Variants in MAPK8IP2 observed in about 807,000 individuals in gnomAD.
MAPK8IP2 encodes C-Jun-amino-terminal kinase-interacting protein 2.
MAPK8IP2 carries 15 observed loss-of-function variants against 75.6 expected under a neutral mutation model. The observed-to-expected ratio is 0.20, with a 90% CI of 0.13 to 0.31. The LOEUF is 0.31. MAPK8IP2 is among the 10% of genes least tolerant of loss of function. The pLI is 1.00. For missense variants in MAPK8IP2, 1,089 were observed against 1,211.2 expected (o/e 0.90, Z 1.50); for synonymous variants, 632 against 554.5 (o/e 1.14, Z -1.96).
Position 50,603,418 on chromosome 22 carries a change from C to A in MAPK8IP2, c.367C>A (p.Pro123Thr). The A allele has an allele frequency of 6.4e-7, 1 of 1,562,916 alleles. No individual in the cohort carries two copies. Among genetic ancestry groups the A allele is most frequent in the South Asian group, 1.2e-5 (1 of 84,394 alleles). The change falls in exon 3 of 12, where the codon CCC becomes ACC. Residue 123 changes from proline to threonine, a missense_variant. Around this residue, in one of 2 missense-constraint regions of MAPK8IP2, gnomAD observed 960 missense variants for 1,009.6 expected, o/e 0.95. Transcript: ENST00000329492. Reference sequence around the variant, plus strand: ...TGGCTCAGAGGCACCTGCCCCCGGGCCCCTTATCCCCTCCCCTTCCGTGGA... The same window carrying A: ...TGGCTCAGAGGCACCTGCCCCCGGGACCCTTATCCCCTCCCCTTCCGTGGA... ...DPGSEAPAPG[P>T]LIPSPSVEEP...
rs997556604 is a variant in MAPK8IP2, at chr22:50,608,831, G to A, written c.2304-1381G>A. ...GGGTCACTGGGACAGCGGACGGGGCGCAGACCAGACAGTGGGGACAGCTCT... is the reference window on the plus strand; with the variant it reads ...GGGTCACTGGGACAGCGGACGGGGCACAGACCAGACAGTGGGGACAGCTCT... On this transcript the variant is annotated intron_variant, in intron 10 of 11. Transcript: ENST00000329492. 1.2e-4 allele frequency among the ~76,000 whole-genome samples: 18 copies of A among 150,050 alleles called. No homozygotes were observed. The South Asian group carries it at 3.2e-3, about 26-fold the overall frequency.
At position 50,605,368 on chromosome 22, in the gene MAPK8IP2, G is replaced by T. The variant is rs1260305887; in HGVS notation, c.1766G>T (p.Ser589Ile). The T allele has an allele frequency of 6.2e-7, 1 of 1,613,262 alleles. No individual in the cohort carries two copies. The highest frequency in any genetic ancestry group is 8.5e-7 in the Non-Finnish European group (1 of 1,179,800). The change falls in exon 6 of 12, where the codon AGC becomes ATC. Residue 589 changes from serine to isoleucine, a missense_variant and splice_region_variant. Physicochemically the swap from Ser to Ile is moderately radical, Grantham distance 142. Coordinates refer to ENST00000329492, the MANE Select transcript of MAPK8IP2 (RefSeq NM_012324.6). The part of the protein sequence containing the change: ...VFVNSTSRSS[S>I]TESFGLFSCL... ...GCCTCTGTCCTGCCGGGTCTCCCAG[G>T]CACCGAGTCCTTTGGCCTTTTCTCC...
chr22:50,610,933 G>C lies in MAPK8IP2; in HGVS notation c.*154G>C, dbSNP rs895203550. ...CTGCGGGCTGGGAACTCTCGTCCTC[G>C]GTCCCCAGGGCGCAGCTGTTGGGGC... On this transcript the variant is annotated 3_prime_UTR_variant, in exon 12 of 12. Coordinates refer to ENST00000329492, the MANE Select transcript of MAPK8IP2 (RefSeq NM_012324.6). This position sits in a 1 kb window ranked among gnomAD's most constrained non-coding sequence, Gnocchi z 4.3. 3 of 628,988 alleles carry C rather than the reference G, an allele frequency of 4.8e-6. No homozygotes were observed. The highest frequency in any genetic ancestry group is 8.1e-6 in the Non-Finnish European group (3 of 368,326). The allele number at this position is 628,988 out of a possible 1,614,324, so 39.0% of individuals were successfully genotyped here. A position where few individuals can be genotyped will look rare whatever the true frequency, so the allele number is the denominator to read the frequency against.
chr22:50,601,598 C>T, intron 1 of MAPK8IP2, 191 bp from the exon 2 acceptor site: 1 of 570,176 alleles, frequency 1.8e-6, no homozygotes, highest in Middle Eastern at 4.8e-4. Flanking sequence ...AGGCCTGGCT[C>T]AGATGGGGGA....
rs1555898574 is a variant in MAPK8IP2 at position 50,612,863 on chromosome 22, T to TGGCCCCGCCCCTGCCCGGCCTGGC, written c.*2084_*2085insGGCCCCGCCCCTGCCCGGCCTGGC. On this transcript the variant is annotated 3_prime_UTR_variant, in exon 12 of 12. Transcript: ENST00000329492. ...CAAGCCCTGCCCTCCGGCGCCCCCG[T>TGGCCCCGCCCCTGCCCGGCCTGGC]CCCGCCCCTGCCCGGCCTGGCCCCG... The TGGCCCCGCCCCTGCCCGGCCTGGC allele has an allele frequency of 1.4e-5, 1 of 72,446 alleles. No homozygotes were observed. Among genetic ancestry groups the TGGCCCCGCCCCTGCCCGGCCTGGC allele is most frequent in the East Asian group, 3.9e-4 (1 of 2,540 alleles). 4.5% of individuals were successfully genotyped at this position (72,446 alleles called of 1,614,324 possible).
chr22:50,610,048 C>CA lies in MAPK8IP2; in HGVS notation c.2304-157dup, dbSNP rs1399788576. ...CCCAGCCCTGTGCTTGGGCTGAAACCAAAAAAAGACAACTTCAGATCTTGA... is the reference window on the plus strand; with the variant it reads ...CCCAGCCCTGTGCTTGGGCTGAAACCAAAAAAAAGACAACTTCAGATCTTGA... On this transcript the variant is annotated intron_variant, in intron 10 of 11. Coordinates refer to ENST00000329492, the MANE Select transcript of MAPK8IP2 (RefSeq NM_012324.6). The surrounding 1 kb of genome is among the most constrained non-coding windows in gnomAD (Gnocchi z 4.3). 8.3e-6 allele frequency: 6 copies of CA among 722,042 alleles called. No homozygotes were observed. The African/African-American group carries it at 1.0e-4, about 13-fold the overall frequency. 44.7% of individuals were successfully genotyped at this position (722,042 alleles called of 1,614,324 possible).
Position 50,602,462 on chromosome 22 carries a change from G to A in MAPK8IP2, c.171+568G>A, listed in dbSNP as rs909120150. On this transcript the variant is annotated intron_variant, in intron 2 of 11. Coordinates refer to ENST00000329492, the MANE Select transcript of MAPK8IP2 (RefSeq NM_012324.6). Reference sequence around the variant, plus strand: ...AGCTGCTCTCTGGAGCTGCAACTTAGTAGGGGAGAAAGACTTGTAAGGGAC... The same window carrying A: ...AGCTGCTCTCTGGAGCTGCAACTTAATAGGGGAGAAAGACTTGTAAGGGAC... Among the ~76,000 whole-genome samples, 3 of 152,364 alleles carry A rather than the reference G, an allele frequency of 2.0e-5. No individual in the cohort carries two copies. In the South Asian group the frequency reaches 6.2e-4, roughly 32 times the overall value.
intron 2 of MAPK8IP2, 47 bp downstream of exon 2, chr22:50,601,941 A>C: frequency 2.5e-5 from 37 of 1,491,748 alleles, no homozygotes; most frequent in Non-Finnish European, 3.1e-5. Context: ...GGAGGGCCTC[A>C]TTAGGTTCTT....
rs756601992 is a variant in MAPK8IP2, at chr22:50,604,945, C to T, written c.1646C>T (p.Ala549Val). The change falls in exon 5 of 12, where the codon GCG becomes GTG. Residue 549 changes from alanine to valine, a missense_variant. This residue lies in a region of MAPK8IP2 where 960 missense variants were observed against 1,009.6 expected (regional missense o/e 0.95). Transcript: ENST00000329492. ...DSGGEASEEE[A>V]GAALLGGGQV... ...GGCGGGGAGGCCAGCGAGGAGGAGG[C>T]GGGCGCGGCGCTGCTAGGCGGCGGT... The T allele has an allele frequency of 1.2e-6, 2 of 1,610,578 alleles. No individual in the cohort carries two copies. The highest frequency in any genetic ancestry group is 1.3e-5 in the African/African-American group (1 of 74,888).
At chr22:50,600,931 A>AC (rs1196549591) in intron 1 of MAPK8IP2, 48 bp downstream of exon 1, 30 of 715,732 alleles carry the variant, frequency 4.2e-5, no homozygotes, top group Admixed American at 2.3e-4. Flanking sequence ...CTCCCTGCGC[A>AC]CCCCCCCGAC....
Position 50,610,355 on chromosome 22 carries a change from A to G in MAPK8IP2, c.2402+45A>G. ...GTGGGTGCAGAATGGGTGCAGGGTT[A>G]CGGAGGTGGGGAGCGGAGGTGAGCA... On this transcript the variant is annotated intron_variant, in intron 11 of 11. Coordinates refer to ENST00000329492, the MANE Select transcript of MAPK8IP2 (RefSeq NM_012324.6). This position sits in a 1 kb window ranked among gnomAD's most constrained non-coding sequence, Gnocchi z 4.3. 3.3e-6 allele frequency: 5 copies of G among 1,495,160 alleles called. No individual in the cohort carries two copies. Among genetic ancestry groups the G allele is most frequent in the South Asian group, 1.2e-5 (1 of 83,884 alleles). 92.6% of individuals were successfully genotyped at this position (1,495,160 alleles called of 1,614,324 possible). A position where few individuals can be genotyped will look rare whatever the true frequency, so the allele number is the denominator to read the frequency against.
In MAPK8IP2 at chr22:50,605,414, G is replaced by C; in HGVS notation, c.1812G>C (p.Glu604Asp). 1.2e-6 allele frequency: 2 copies of C among 1,613,704 alleles called. No homozygotes were observed. Among genetic ancestry groups the C allele is most frequent in the Non-Finnish European group, 1.7e-6 (2 of 1,179,854 alleles). The change falls in exon 6 of 12, where the codon GAG becomes GAC. Residue 604 changes from glutamate (E) to aspartate (D), a missense_variant. Glu to Asp is a conservative substitution (Grantham distance 45). This residue lies in a region of MAPK8IP2 where 960 missense variants were observed against 1,009.6 expected (regional missense o/e 0.95). Transcript: ENST00000329492. ...GLFSCLVNGEEREQTHRAVFR... is the reference protein window; with the variant it reads ...GLFSCLVNGEDREQTHRAVFR... ...TCTCCTGTCTGGTCAACGGCGAGGAGCGAGAGCAGACTCACCGGGCTGTGT... is the reference window on the plus strand; with the variant it reads ...TCTCCTGTCTGGTCAACGGCGAGGACCGAGAGCAGACTCACCGGGCTGTGT...
Position 50,603,848 on chromosome 22 carries a change from G to C in MAPK8IP2, c.549G>C (p.Pro183=). ...SPAPEALREL[P]GPLPATDTGP... ...CACCTCCCTGCCCAGCAGAGCTCCC[G>C]GGCCCCCTCCCTGCCACGGACACCG... The change falls in exon 5 of 12, where the codon CCG becomes CCC. Residue 183 remains proline (P), a synonymous_variant. Transcript: ENST00000329492. 1.3e-6 allele frequency: 2 copies of C among 1,528,528 alleles called. No homozygotes were observed. Among genetic ancestry groups the C allele is most frequent in the Non-Finnish European group, 8.8e-7 (1 of 1,138,832 alleles). The allele number at this position is 1,528,528 out of a possible 1,614,324, so 94.7% of individuals were successfully genotyped here.
intron 1 of MAPK8IP2, 121 bp from the exon 2 acceptor site, chr22:50,601,668 G>GC: frequency 1.5e-6 from 1 of 683,196 alleles, no homozygotes; most frequent in South Asian, 1.7e-5. Context: ...TGTTCCGAGA[G>GC]CTGGGGGCTG....
chr22:50,609,752 G>A, intron 10 of MAPK8IP2: 1 of 516,338 alleles, frequency 1.9e-6, no homozygotes, highest in South Asian at 1.4e-5. Flanking sequence ...TGGGAGCGAG[G>A]GGTAGACCGG....
In MAPK8IP2 at chr22:50,607,016, C is replaced by T. The variant is rs1173602540; in HGVS notation, c.2303+25C>T. The T allele has an allele frequency of 1.9e-6, 3 of 1,585,554 alleles. No individual in the cohort carries two copies. Among genetic ancestry groups the T allele is most frequent in the African/African-American group, 1.3e-5 (1 of 74,444 alleles). ...GGTGAGAGTCTGACCGTCCCCGAGTCCCCCAACCGCCCCCACAAACCCTGA... is the reference window on the plus strand; with the variant it reads ...GGTGAGAGTCTGACCGTCCCCGAGTTCCCCAACCGCCCCCACAAACCCTGA... On this transcript the variant is annotated intron_variant, in intron 10 of 11. Coordinates refer to ENST00000329492, the MANE Select transcript of MAPK8IP2 (RefSeq NM_012324.6). The surrounding 1 kb of genome is among the most constrained non-coding windows in gnomAD (Gnocchi z 5.6).
rs375405472 is a variant in MAPK8IP2, at chr22:50,610,738, C to G, written c.2434C>G (p.Leu812Val). The change falls in exon 12 of 12, where the codon CTG (leucine) becomes GTG (valine). Residue 812 changes from leucine (L) to valine (V), a missense_variant. This residue lies in a region of MAPK8IP2 where 129 missense variants were observed against 201.7 expected (regional missense o/e 0.64). Coordinates refer to ENST00000329492, the MANE Select transcript of MAPK8IP2 (RefSeq NM_012324.6). The surrounding 1 kb of genome is among the most constrained non-coding windows in gnomAD (Gnocchi z 4.3). ...CTTCCTGGAGTACTACCAAGAGCAC[C>G]TGGCGTACGCCTGCCCCACGGAGGA... ...RAFLEYYQEH[L>V]AYACPTEDIY... The G allele has an allele frequency of 2.7e-5, 44 of 1,610,962 alleles. No individual in the cohort carries two copies. The highest frequency in any genetic ancestry group is 6.7e-5 in the East Asian group (3 of 44,770).
rs533807658 is a variant in MAPK8IP2, at chr22:50,610,320, G to A, written c.2402+10G>A. 2.9e-5 allele frequency: 46 copies of A among 1,591,882 alleles called. No homozygotes were observed. In the African/African-American group the frequency reaches 5.0e-4, roughly 17 times the overall value. On this transcript the variant is annotated intron_variant, in intron 11 of 11. Coordinates refer to ENST00000329492, the MANE Select transcript of MAPK8IP2 (RefSeq NM_012324.6). This position sits in a 1 kb window ranked among gnomAD's most constrained non-coding sequence, Gnocchi z 4.3. Reference sequence around the variant, plus strand: ...TGGCGCAGAGTGTGGGGTGAGTGGGGCCCCAGGGTGTGGGTGCAGAATGGG... The same window carrying A: ...TGGCGCAGAGTGTGGGGTGAGTGGGACCCCAGGGTGTGGGTGCAGAATGGG...
At position 50,610,404 on chromosome 22, in the gene MAPK8IP2, G is replaced by A. The variant is rs1000527682; in HGVS notation, c.2402+94G>A. The A allele has an allele frequency of 3.5e-5, 38 of 1,073,386 alleles. No homozygotes were observed. Among genetic ancestry groups the A allele is most frequent in the Non-Finnish European group, 4.6e-5 (33 of 722,978 alleles). The allele number at this position is 1,073,386 out of a possible 1,614,324, so 66.5% of individuals were successfully genotyped here. ...CAGGTGGGGGCAGGAGCCTGGCAGG[G>A]GAGGTCTGGGGAAGGAGAACCAGAT... On this transcript the variant is annotated intron_variant, in intron 11 of 11. Coordinates refer to ENST00000329492, the MANE Select transcript of MAPK8IP2 (RefSeq NM_012324.6). This position sits in a 1 kb window ranked among gnomAD's most constrained non-coding sequence, Gnocchi z 4.3.
Sources: gnomAD v4.1 joint callset for allele counts (sites outside exome capture counted in the v4.1 genomes callset) on GRCh38, gnomAD v4.1.1 for gene constraint, gnomAD v4.1.1 regional missense constraint, Gnocchi (gnomAD v3.1) non-coding constraint, MANE v1.5 for transcripts, NCBI Gene and HGNC (gene_info 2026-07-23, HGNC 2026-07-21) for gene names.